The following UTP14A variants were observed in gnomAD, a reference collection of about 807,000 sequenced individuals.
UTP14A encodes UTP14A small subunit processome component, also known as U3 small nucleolar RNA-associated protein 14 homolog A.
UTP14A carries 5 observed loss-of-function variants against 57.2 expected under a neutral mutation model. The ratio of observed to expected loss-of-function variants is 0.09; its 90% CI spans 0.05 to 0.18. The LOEUF (loss-of-function observed/expected upper bound fraction) is 0.18, where lower values mean the gene tolerates loss of function less well. Ranked by LOEUF, UTP14A falls within the 10% of genes least tolerant of loss-of-function variation. The probability of loss-of-function intolerance (pLI) is 1.00; values close to 1 mark genes in which losing one functional copy is unlikely to be tolerated. For synonymous variants in UTP14A, 169 were observed against 210.9 expected (o/e 0.80, Z 1.72); for missense variants, 430 against 562.1 (o/e 0.76, Z 2.38).
intron 6 of UTP14A, among the ~76,000 whole-genome samples, chrX:129,912,538 C>T (rs931391897): frequency 9.0e-6 from 1 of 110,865 alleles, no homozygotes; most frequent in African/African-American, 3.3e-5. Flanking sequence ...TTCTTTTACC[C>T]CAGTTTTTAA....
intron 4 of UTP14A, among the ~76,000 whole-genome samples, chrX:129,909,732 G>A (rs1465176631): frequency 1.8e-5 from 2 of 111,693 alleles, no homozygotes; most frequent in African/African-American, 3.3e-5. Flanking sequence ...TCTAATAAGC[G>A]GCAGCCATGG....
chrX:129,912,062 C>T (rs1929493993), intron 6 of UTP14A, 141 bp downstream of exon 6: 1 of 753,262 alleles, frequency 1.3e-6, no homozygotes, highest in African/African-American at 2.2e-5. Flanking sequence ...AGGGGTTGCC[C>T]ATCGTCATTG....
chrX:129,916,984 A>G (rs945355136), intron 6 of UTP14A, among the ~76,000 whole-genome samples: 1 of 111,661 alleles, frequency 9.0e-6, no homozygotes, highest in Non-Finnish European at 1.9e-5. Flanking sequence ...CTATAGAATA[A>G]CGTAGCAGTT....
At chrX:129,929,199 C>T (rs1281706019) in intron 14 of UTP14A, 137 bp from the exon 15 acceptor site, 2 of 794,852 alleles carry the variant, frequency 2.5e-6, no homozygotes, top group South Asian at 2.7e-5. Flanking sequence ...GACGCCTTGA[C>T]CTCTCAGTCT....
At chrX:129,909,638 A>AT (rs1182532885) in intron 4 of UTP14A, among the ~76,000 whole-genome samples, 10 of 111,279 alleles carry the variant, frequency 9.0e-5, no homozygotes, top group African/African-American at 3.3e-4. Context: ...AATATCTAAG[A>AT]TTTTTTTCAT....
chrX:129,906,324 C>A, intron 1 of UTP14A, 88 bp downstream of exon 1: 1 of 919,226 alleles, frequency 1.1e-6, no homozygotes, highest in Non-Finnish European at 1.6e-6. Context: ...CCCCCTTTAA[C>A]AGATGGCAGT....
chrX:129,916,245 A>G (rs187996877), intron 6 of UTP14A, among the ~76,000 whole-genome samples: 6 of 111,094 alleles, frequency 5.4e-5, no homozygotes, highest in Non-Finnish European at 9.4e-5. Flanking sequence ...TGAAAATTTC[A>G]TAACTTTCGA....
rs1459256689 is a variant in UTP14A, at chrX:129,924,940, G to A, written c.1494G>A (p.Glu498=). The change falls in exon 12 of 15, where the codon GAG becomes GAA. Residue 498 remains glutamate, a synonymous_variant. Coordinates refer to ENST00000394422, the MANE Select transcript of UTP14A (RefSeq NM_006649.4). ...QREEPAPEEE[E]PLLLQRPERV... ...AGGAACCTGCCCCAGAAGAAGAGGA[G>A]CCCCTGTTGCTACAGAGACCAGAGA... The A allele has an allele frequency of 5.0e-6, 6 of 1,209,315 alleles. No homozygotes were observed. The highest frequency in any genetic ancestry group is 6.7e-6 in the Non-Finnish European group (6 of 895,179).
In UTP14A at chrX:129,919,449, G is replaced by A. The variant is rs777024779; in HGVS notation, c.712G>A (p.Glu238Lys). The A allele has an allele frequency of 4.1e-6, 5 of 1,212,088 alleles. No individual in the cohort carries two copies. The highest frequency in any genetic ancestry group is 1.8e-5 in the South Asian group (1 of 57,009). The change falls in exon 8 of 15, where the codon GAG (glutamate) becomes AAG (lysine). Residue 238 changes from glutamate (E) to lysine (K), a missense_variant. Glu to Lys is a moderately conservative substitution (Grantham distance 56). Transcript: ENST00000394422. The part of the protein sequence containing the change: ...QRARALQSYY[E>K]AKARREKKIK... Reference sequence around the variant, plus strand: ...GGCTCGGGCTCTGCAGTCCTACTATGAGGCCAAGGCTCGAAGAGAGAAGAA... The same window carrying A: ...GGCTCGGGCTCTGCAGTCCTACTATAAGGCCAAGGCTCGAAGAGAGAAGAA...
At chrX:129,913,957 T>A (rs1929580246) in intron 6 of UTP14A, among the ~76,000 whole-genome samples, 1 of 110,234 alleles carries the variant, frequency 9.1e-6, no homozygotes, top group African/African-American at 3.3e-5. Context: ...CTCCAGCCTG[T>A]GCAATAGAAT....
At chrX:129,920,082 A>G (rs60387193) in intron 8 of UTP14A, among the ~76,000 whole-genome samples, 22,016 of 110,779 alleles carry the variant, frequency 0.2, 2,356 homozygotes, top group African/African-American at 0.41. Flanking sequence ...CCAGCTACTT[A>G]GGAGGCTGAG....
At position 129,920,530 on chromosome X, in the gene UTP14A, C is replaced by T. The variant is rs200439919; in HGVS notation, c.826C>T (p.Pro276Ser). 165 of 1,210,689 alleles carry T rather than the reference C, an allele frequency of 1.4e-4. No individual in the cohort carries two copies. The highest frequency in any genetic ancestry group is 1.1e-3 in the Middle Eastern group (5 of 4,376). ...GTTTGAGCAGCTGCGGAAGGTTAAT[C>T]CAGCTGCAGCACTAGAAGAACTGGA... is the stretch of plus-strand genomic sequence containing the variant. Reference protein sequence around the residue: ...KEFEQLRKVNPAAALEELEKI... With the variant: ...KEFEQLRKVNSAAALEELEKI... The change falls in exon 9 of 15, where the codon CCA becomes TCA. Residue 276 changes from proline to serine, a missense_variant. Physicochemically the swap from Pro to Ser is moderately conservative, Grantham distance 74. This residue lies in a region of UTP14A where 83 missense variants were observed against 140.4 expected (regional missense o/e 0.59). Transcript: ENST00000394422.
intron 8 of UTP14A, among the ~76,000 whole-genome samples, chrX:129,920,166 G>A (rs756617536): frequency 1.8e-5 from 2 of 109,914 alleles, no homozygotes; most frequent in South Asian, 3.8e-4. Flanking sequence ...TCCAGCCTGA[G>A]TGACAGAGTG....
rs777902752 is a variant in UTP14A, at chrX:129,907,374, G to A, written c.34G>A (p.Ala12Thr). The change falls in exon 2 of 15, where the codon GCT becomes ACT. Residue 12 changes from alanine to threonine, a missense_variant. Physicochemically the swap from Ala to Thr is moderately conservative, Grantham distance 58 (BLOSUM62 0). Coordinates refer to ENST00000394422, the MANE Select transcript of UTP14A (RefSeq NM_006649.4). ...TANRLAESLL[A>T]LSQQEELADL... Reference sequence around the variant, plus strand: ...TGTTGCCTCTTTTAACAGCCTTCTGGCTTTGAGCCAACAGGAAGAACTAGC... The same window carrying A: ...TGTTGCCTCTTTTAACAGCCTTCTGACTTTGAGCCAACAGGAAGAACTAGC... 7.5e-6 allele frequency: 9 copies of A among 1,205,969 alleles called. No individual in the cohort carries two copies. The highest frequency in any genetic ancestry group is 1.0e-5 in the Non-Finnish European group (9 of 893,879).
At chrX:129,926,946 A>T (rs1930129315) in intron 14 of UTP14A, among the ~76,000 whole-genome samples, 2 of 112,439 alleles carry the variant, frequency 1.8e-5, no homozygotes, top group South Asian at 7.3e-4. Flanking sequence ...GAACAGAGGT[A>T]AGAAGATACA....
chrX:129,927,070 C>G (rs1439559664), intron 14 of UTP14A, among the ~76,000 whole-genome samples: 1 of 111,227 alleles, frequency 9.0e-6, no homozygotes, highest in Admixed American at 9.5e-5. Flanking sequence ...GGCAGTTACA[C>G]GATAAGGGAA....
rs906861975 is a variant in UTP14A, at chrX:129,925,189, G to C, written c.1743G>C (p.Glu581Asp). Residue 581 changes from glutamate to aspartate, a missense_variant, in exon 12 of 15, where the codon GAG (glutamate) becomes GAC (aspartate). Glu to Asp is a conservative substitution (Grantham distance 45). Coordinates refer to ENST00000394422, the MANE Select transcript of UTP14A (RefSeq NM_006649.4). ...AGTCTTTGGCAGTTCCCACAATAGAGGAGCTGGTGAGCAGAGCCAGGGTGG... is the reference window on the plus strand; with the variant it reads ...AGTCTTTGGCAGTTCCCACAATAGACGAGCTGGTGAGCAGAGCCAGGGTGG... ...SVKSLAVPTIEELEDEEERNH... is the reference protein window; with the variant it reads ...SVKSLAVPTIDELEDEEERNH... 8.3e-6 allele frequency: 10 copies of C among 1,206,240 alleles called. No homozygotes were observed. Among genetic ancestry groups the C allele is most frequent in the Non-Finnish European group, 1.0e-5 (9 of 892,754 alleles).
At chrX:129,913,934 T>C (rs1929579703) in intron 6 of UTP14A, among the ~76,000 whole-genome samples, 1 of 111,468 alleles carries the variant, frequency 9.0e-6, no homozygotes, top group Admixed American at 9.6e-5. Flanking sequence ...TGAGCCGAGA[T>C]TGTGCCACTG....
At position 129,925,105 on chromosome X, in the gene UTP14A, A is replaced by G; in HGVS notation, c.1659A>G (p.Lys553=). 1 of 1,211,750 alleles carries G rather than the reference A, an allele frequency of 8.3e-7. No individual in the cohort carries two copies. Among genetic ancestry groups the G allele is most frequent in the Non-Finnish European group, 1.1e-6 (1 of 895,549 alleles). Residue 553 remains lysine (K), a synonymous_variant, in exon 12 of 15, where the codon AAA becomes AAG. Coordinates refer to ENST00000394422, the MANE Select transcript of UTP14A (RefSeq NM_006649.4). ...GCCCTGATGCCCCTAAGGAGAAGAAAAAGAAGGAGCAAATGATCGACCTAC... is the reference window on the plus strand; with the variant it reads ...GCCCTGATGCCCCTAAGGAGAAGAAGAAGAAGGAGCAAATGATCGACCTAC... ...NNRPDAPKEK[K]KKEQMIDLQN... is the part of the protein sequence containing the mutation.
Sources: allele counts gnomAD v4.1 joint callset (sites outside exome capture counted in the v4.1 genomes callset), GRCh38; gene constraint gnomAD v4.1.1; regional missense constraint gnomAD v4.1.1; transcripts MANE v1.5; gene names NCBI Gene and HGNC (gene_info 2026-07-23, HGNC 2026-07-21).